PRDM10: variants seen among roughly 807,000 people sequenced by gnomAD.
PRDM10 encodes the protein PR domain zinc finger protein 10.
Under a neutral mutation model 133.1 loss-of-function variants are expected in PRDM10, and 65 were observed. The ratio of observed to expected loss-of-function variants is 0.49; its 90% confidence interval spans 0.40 to 0.60. The LOEUF (loss-of-function observed/expected upper bound fraction) is 0.60, where lower values mean the gene tolerates loss of function less well. Ranked by LOEUF, PRDM10 falls within the 20% of genes least tolerant of loss-of-function variation. PRDM10 has a pLI of 0.00. For missense variants in PRDM10, 1,137 were observed against 1,507.1 expected (o/e 0.75, Z 4.07); for synonymous variants, 582 against 580.4 (o/e 1.00, Z -0.04).
intron 6 of PRDM10, among the ~76,000 whole-genome samples, chr11:129,944,563 C>A (rs1323585644): frequency 1.4e-5 from 2 of 146,688 alleles, no homozygotes; most frequent in East Asian, 2.0e-4. Flanking sequence ...CCAGCCTGGG[C>A]GACAGAGCAA....
chr11:129,977,255 TACACACACACACACACACACACACAC>T (rs71057991), intron 1 of PRDM10, among the ~76,000 whole-genome samples: 1 of 132,394 alleles, frequency 7.6e-6, no homozygotes, highest in Non-Finnish European at 1.6e-5. Flanking sequence ...ATGACTAAAA[TACACACACACACACACACACACACAC>T]ACACACACAC....
At chr11:129,909,992 C>T (rs1237429000) in intron 19 of PRDM10, among the ~76,000 whole-genome samples, 1 of 152,190 alleles carries the variant, frequency 6.6e-6, no homozygotes, top group Non-Finnish European at 1.5e-5. Flanking sequence ...TTGTACTTAT[C>T]TTATAGGTTG....
At chr11:129,938,891 G>A (rs946520865) in intron 7 of PRDM10, among the ~76,000 whole-genome samples, 2 of 152,170 alleles carry the variant, frequency 1.3e-5, no homozygotes, top group African/African-American at 4.8e-5. Flanking sequence ...TCAGTCAACA[G>A]GGCCTGCTTT....
chr11:129,920,893 G>A (rs758443299), intron 13 of PRDM10, among the ~76,000 whole-genome samples: 12 of 152,030 alleles, frequency 7.9e-5, no homozygotes, highest in Non-Finnish European at 1.6e-4. Context: ...CGCCTCCCGG[G>A]TTCAAGTGAT....
At chr11:129,904,233 T>G (rs748625044) in intron 20 of PRDM10, among the ~76,000 whole-genome samples, 4 of 151,128 alleles carry the variant, frequency 2.6e-5, no homozygotes, top group African/African-American at 9.7e-5. Flanking sequence ...CTCTGAAACC[T>G]CTTAAGAAAA....
chr11:129,945,291 G>A lies in PRDM10; in HGVS notation c.521-279C>T, dbSNP rs765642903. ...TTGCTGGAGAGTCCTTTGAATAGTGGCCACTAAATTTACAAATCAATTACA... is the reference window on the plus strand; with the variant it reads ...TTGCTGGAGAGTCCTTTGAATAGTGACCACTAAATTTACAAATCAATTACA... On this transcript the variant is annotated intron_variant, in intron 5 of 20. Coordinates refer to ENST00000360871, the MANE Select transcript of PRDM10 (RefSeq NM_199437.2). The surrounding 1 kb of genome is among the most constrained non-coding windows in gnomAD (Gnocchi z 4.2). 1.9e-4 allele frequency among the ~76,000 whole-genome samples: 29 copies of A among 152,102 alleles called. No individual in the cohort carries two copies. Among genetic ancestry groups the A allele is most frequent in the Non-Finnish European group, 3.5e-4 (24 of 68,032 alleles).
chr11:129,914,087 C>T (rs189143511), intron 17 of PRDM10, among the ~76,000 whole-genome samples: 2,027 of 152,230 alleles, frequency 0.013, 25 homozygotes, highest in Non-Finnish European at 0.02. Context: ...CTGCAACCTC[C>T]GCCTCCCAGG....
At chr11:129,914,038 G>A (rs972999656) in intron 17 of PRDM10, among the ~76,000 whole-genome samples, 17 of 151,672 alleles carry the variant, frequency 1.1e-4, no homozygotes, top group African/African-American at 3.9e-4. Context: ...GTCCTGTTCT[G>A]TCGCCCAGGC....
chr11:129,912,873 A>T (rs1365457443), intron 17 of PRDM10, among the ~76,000 whole-genome samples: 4 of 151,346 alleles, frequency 2.6e-5, no homozygotes, highest in African/African-American at 9.7e-5. Flanking sequence ...AAGCCTGACC[A>T]ATGTGGTGAA....
chr11:129,978,732 T>A (rs1471746009), intron 1 of PRDM10, among the ~76,000 whole-genome samples: 1 of 152,224 alleles, frequency 6.6e-6, no homozygotes, highest in East Asian at 1.9e-4. Context: ...CTGCAGAGAC[T>A]ATCAGCTCAG....
intron 1 of PRDM10, among the ~76,000 whole-genome samples, chr11:130,001,946 C>G (rs1332744976): frequency 5.9e-5 from 9 of 151,670 alleles, no homozygotes; most frequent in Non-Finnish European, 5.9e-5. Flanking sequence ...CACCCCACAC[C>G]CCTGCGGGCC....
chr11:129,937,977 T>C (rs1412091290), intron 7 of PRDM10, among the ~76,000 whole-genome samples: 1 of 152,202 alleles, frequency 6.6e-6, no homozygotes, highest in Non-Finnish European at 1.5e-5. Context: ...TGATTTCTTA[T>C]CTATATTTAA....
At chr11:129,907,106 T>C (rs925773868) in intron 19 of PRDM10, among the ~76,000 whole-genome samples, 17 of 152,264 alleles carry the variant, frequency 1.1e-4, no homozygotes, top group African/African-American at 4.1e-4. Flanking sequence ...TTATGTGCTC[T>C]TGATAGAAGT....
At chr11:129,965,600 T>TA (rs1200106674) in intron 1 of PRDM10, among the ~76,000 whole-genome samples, 1 of 152,172 alleles carries the variant, frequency 6.6e-6, no homozygotes, top group Admixed American at 6.5e-5. Flanking sequence ...CCAAAAGAGT[T>TA]AGAGATTTCA....
At chr11:129,937,429 G>C (rs536180914) in intron 8 of PRDM10, among the ~76,000 whole-genome samples, 169 bp downstream of exon 8, 30 of 152,182 alleles carry the variant, frequency 2.0e-4, no homozygotes, top group African/African-American at 6.7e-4. Context: ...AAATGTAAAT[G>C]TCATTGTAGT....
At chr11:129,995,088 C>G (rs4937476) in intron 1 of PRDM10, among the ~76,000 whole-genome samples, 11,342 of 152,270 alleles carry the variant, frequency 0.074, 865 homozygotes, top group East Asian at 0.43. Context: ...TACTAAAGTA[C>G]TTGAGAGAAC....
intron 1 of PRDM10, among the ~76,000 whole-genome samples, chr11:129,989,321 A>G (rs1382568523): frequency 1.3e-5 from 2 of 152,098 alleles, no homozygotes; most frequent in Non-Finnish European, 2.9e-5. Flanking sequence ...GAAAAAAAAA[A>G]GTCATTGAGC....
chr11:129,976,727 C>G (rs528207922), intron 1 of PRDM10, among the ~76,000 whole-genome samples: 6 of 152,222 alleles, frequency 3.9e-5, no homozygotes, highest in Non-Finnish European at 8.8e-5. Context: ...TAACTGATTG[C>G]TGGAACAAAT....
At chr11:129,962,491 G>A (rs557819420) in intron 1 of PRDM10, among the ~76,000 whole-genome samples, 58 of 152,240 alleles carry the variant, frequency 3.8e-4, no homozygotes, top group South Asian at 2.1e-3. Flanking sequence ...CCCTGCATGC[G>A]CCCTACTCTT....
Sources: gnomAD v4.1 joint callset for allele counts (sites outside exome capture counted in the v4.1 genomes callset) on GRCh38, gnomAD v4.1.1 for gene constraint, Gnocchi (gnomAD v3.1) non-coding constraint, MANE v1.5 for transcripts, NCBI Gene and HGNC (gene_info 2026-07-23, HGNC 2026-07-21) for gene names.